LRRC63: variants seen among roughly 807,000 people sequenced by gnomAD.
LRRC63 encodes leucine rich repeat containing 63.
A neutral mutation model predicts 49.5 loss-of-function variants in LRRC63; 40 were observed. The observed-to-expected ratio is 0.81, with a 90% CI of 0.63 to 1.05. The LOEUF is 1.05. LRRC63 is among the 50% of genes least tolerant of loss of function. LRRC63 has a pLI of 0.00. For missense variants in LRRC63, 636 were observed against 663.1 expected (o/e 0.96, Z 0.45); for synonymous variants, 191 against 221.1 (o/e 0.86, Z 1.21).
chr13:46,220,826 G>C (rs1388928779), intron 2 of LRRC63, among the ~76,000 whole-genome samples: 1 of 152,098 alleles, frequency 6.6e-6, no homozygotes, highest in African/African-American at 2.4e-5. Context: ...CATTCCTCAC[G>C]GCACAGTCCC....
At chr13:46,257,561 G>C (rs1169417063) in intron 7 of LRRC63, among the ~76,000 whole-genome samples, 1 of 152,138 alleles carries the variant, frequency 6.6e-6, no homozygotes, top group Admixed American at 6.5e-5. Context: ...GGTAATAAGT[G>C]ATATGAAAAA....
rs77766897 is a variant in LRRC63, at chr13:46,267,792, T to C, written c.1550+820T>C. On this transcript the variant is annotated intron_variant, in intron 9 of 9. Coordinates refer to ENST00000595396, the Ensembl canonical transcript of LRRC63. ...GAAAAATCACAAAGGCAGTAATTTT[T>C]TTGAAGAATTATAACCTAACTAGTG... Among the ~76,000 whole-genome samples the C allele has an allele frequency of 7.4e-4, 112 of 152,274 alleles. 1 individual carries two copies. The East Asian group carries it at 0.021, about 29-fold the overall frequency.
In LRRC63 at chr13:46,266,950, G is replaced by T. The variant is rs1045285160; in HGVS notation, c.1528G>T (p.Glu510Ter). 2.0e-6 allele frequency: 3 copies of T among 1,536,312 alleles called. No individual in the cohort carries two copies. The African/African-American group carries it at 4.2e-5, about 21-fold the overall frequency. ...TAAATTTTATGATAAGATCCCAGTAGAAGTTCAGAAGTTACTAAAATGGTG... is the reference window on the plus strand; with the variant it reads ...TAAATTTTATGATAAGATCCCAGTATAAGTTCAGAAGTTACTAAAATGGTG... Residue 510 changes from glutamate (E) to a stop codon, truncating the protein, a stop_gained, in exon 9 of 10, where the codon GAA becomes TAA. Coordinates refer to ENST00000595396, the Ensembl canonical transcript of LRRC63. LOFTEE classifies it low-confidence loss of function (END_TRUNC).
rs187599882 is a variant in LRRC63, at chr13:46,221,913, A to T, written c.86-5599A>T. ...ACCCCTAGAGCAACATGGAATGGCT[A>T]GGCTGAGATTGTACTGGGAGTGGAA... On this transcript the variant is annotated intron_variant, in intron 2 of 9. Coordinates refer to ENST00000595396, the Ensembl canonical transcript of LRRC63. Among the ~76,000 whole-genome samples, 145 of 152,302 alleles carry T rather than the reference A, an allele frequency of 9.5e-4. 1 individual carries two copies. The highest frequency in any genetic ancestry group is 1.5e-3 in the Non-Finnish European group (101 of 68,022).
At chr13:46,227,663 A>G (rs956865951) in exon 3 of LRRC63, 13 of 1,550,220 alleles carry the variant, frequency 8.4e-6, no homozygotes, top group Admixed American at 2.0e-5. Context: ...ATCACTGTGT[A>G]CAAGAAAGAG....
At chr13:46,260,950 T>C (rs2047604608) in intron 7 of LRRC63, among the ~76,000 whole-genome samples, 1 of 152,136 alleles carries the variant, frequency 6.6e-6, no homozygotes, top group Non-Finnish European at 1.5e-5. Flanking sequence ...TCACCTTTTA[T>C]TTACATGGAA....
intron 8 of LRRC63, among the ~76,000 whole-genome samples, chr13:46,266,440 A>T (rs1389452306): frequency 6.6e-6 from 1 of 152,188 alleles, no homozygotes; most frequent in East Asian, 1.9e-4. Context: ...CATGACATTG[A>T]TTAATCTTGT....
chr13:46,242,034 A>G (rs1291402518), intron 5 of LRRC63, among the ~76,000 whole-genome samples: 1 of 152,218 alleles, frequency 6.6e-6, no homozygotes, highest in African/African-American at 2.4e-5. Context: ...TTGCAGCACT[A>G]TTTGTGATAA....
At chr13:46,213,110 A>C in exon 2 of LRRC63, 1 of 1,543,836 alleles carries the variant, frequency 6.5e-7, no homozygotes, top group Non-Finnish European at 8.8e-7. Context: ...TGAGAAAAAA[A>C]CCCATACAGG....
intron 6 of LRRC63, among the ~76,000 whole-genome samples, chr13:46,249,412 T>TA (rs1181371337): frequency 6.6e-6 from 1 of 151,814 alleles, no homozygotes; most frequent in Non-Finnish European, 1.5e-5. Flanking sequence ...ACAGAAGACT[T>TA]ATGTTACTAA....
chr13:46,253,010 G>A (rs1453786164), intron 7 of LRRC63, among the ~76,000 whole-genome samples: 1 of 152,028 alleles, frequency 6.6e-6, no homozygotes, highest in Non-Finnish European at 1.5e-5. Flanking sequence ...TGGCAGTGTG[G>A]AGGATGGATG....
At chr13:46,248,764 C>A (rs1283780541) in intron 6 of LRRC63, among the ~76,000 whole-genome samples, 1 of 151,832 alleles carries the variant, frequency 6.6e-6, no homozygotes, top group South Asian at 2.1e-4. Flanking sequence ...TTGAACAACA[C>A]TATAAACCAA....
exon 9 of LRRC63, chr13:46,266,892 T>C (rs1424854213): frequency 6.5e-7 from 1 of 1,549,048 alleles, no homozygotes; most frequent in Non-Finnish European, 8.7e-7. Flanking sequence ...TTACTCAAAT[T>C]ATTTCTTTGT....
exon 6 of LRRC63, chr13:46,246,582 A>G (rs1011791660): frequency 6.8e-7 from 1 of 1,472,406 alleles, no homozygotes; most frequent in African/African-American, 1.4e-5. Context: ...CAGTTGATAT[A>G]TCTTAATTTA....
chr13:46,231,297 A>T (rs67779021), intron 4 of LRRC63, among the ~76,000 whole-genome samples: 15,130 of 152,224 alleles, frequency 0.099, 870 homozygotes, highest in East Asian at 0.18. Context: ...TACTACAAAG[A>T]AAAACCCAAG....
At chr13:46,276,789 T>G in exon 10 of LRRC63, 7 of 1,144,624 alleles carry the variant, frequency 6.1e-6, no homozygotes, top group Non-Finnish European at 7.6e-6. Flanking sequence ...TGTGGAGTTG[T>G]CAAAAGAATT....
intron 7 of LRRC63, among the ~76,000 whole-genome samples, chr13:46,258,943 T>C (rs1254270864): frequency 2.6e-5 from 4 of 151,836 alleles, no homozygotes; most frequent in Admixed American, 6.5e-5. Flanking sequence ...TATGTAACAA[T>C]TGATTGTTTC....
chr13:46,276,855 TATATATATATATTTATATATATATATTC>T (rs1566518825), exon 10 of LRRC63: 14 of 115,664 alleles, frequency 1.2e-4, no homozygotes, highest in South Asian at 3.2e-4. Flanking sequence ...TATATATTTA[TATATATATATATTTATATATATATATTC>T]ATATATATAT....
chr13:46,267,782 C>T (rs750219730), intron 9 of LRRC63, among the ~76,000 whole-genome samples: 1 of 152,028 alleles, frequency 6.6e-6, no homozygotes. Flanking sequence ...ATCACAAAGG[C>T]AGTAATTTTT....
Sources: gnomAD v4.1 joint callset for allele counts (sites outside exome capture counted in the v4.1 genomes callset) on GRCh38, gnomAD v4.1.1 for gene constraint, MANE v1.5 for transcripts, NCBI Gene and HGNC (gene_info 2026-07-23, HGNC 2026-07-21) for gene names.